The following PCDHGA6 variants were observed in gnomAD, a reference collection of about 807,000 sequenced individuals.
PCDHGA6 encodes protocadherin gamma subfamily A, 6, also known as protocadherin gamma-A6.
A neutral mutation model predicts 60.6 loss-of-function variants in PCDHGA6; 41 were observed. The observed-to-expected ratio is 0.68, with a 90% confidence interval of 0.53 to 0.88. The LOEUF (loss-of-function observed/expected upper bound fraction) is 0.88. Ranked by LOEUF, PCDHGA6 falls within the 40% of genes least tolerant of loss-of-function variation. The probability of loss-of-function intolerance (pLI) is 0.00; values close to 1 mark genes in which losing one functional copy is unlikely to be tolerated. For synonymous variants in PCDHGA6, 594 were observed against 524.4 expected (o/e 1.13, Z -1.81); for missense variants, 1,312 against 1,203.0 (o/e 1.09, Z -1.34).
chr5:141,394,493 C>T (rs749651115), intron 1 of PCDHGA6: 2 of 1,614,222 alleles, frequency 1.2e-6, no homozygotes, highest in Non-Finnish European at 1.7e-6. Flanking sequence ...ACAACGCGCC[C>T]GAGATCCTGT....
At chr5:141,461,051 A>G (rs1238514064) in intron 1 of PCDHGA6, among the ~76,000 whole-genome samples, 1 of 151,734 alleles carries the variant, frequency 6.6e-6, no homozygotes, top group East Asian at 1.9e-4. Flanking sequence ...ATGGGGACTT[A>G]GGTTGGTTTC....
In PCDHGA6 at chr5:141,395,765, C is replaced by T. The variant is rs143173330; in HGVS notation, c.2424+19258C>T. The T allele has an allele frequency of 7.5e-4, 114 of 152,628 alleles. No homozygotes were observed. The Middle Eastern group carries it at 0.03, about 41-fold the overall frequency. 9.5% of individuals were successfully genotyped at this position (152,628 alleles called of 1,614,324 possible). Reference sequence around the variant, plus strand: ...TCTTTTCTGAGCCCTGTTTCTGTACCAGTGCCCTTCAAAACTTTAATACTT... The same window carrying T: ...TCTTTTCTGAGCCCTGTTTCTGTACTAGTGCCCTTCAAAACTTTAATACTT... On this transcript the variant is annotated intron_variant, in intron 1 of 3. Coordinates refer to ENST00000517434, the MANE Select transcript of PCDHGA6 (RefSeq NM_018919.3).
At chr5:141,478,870 G>A (rs1463992722) in intron 1 of PCDHGA6, 6 of 1,273,242 alleles carry the variant, frequency 4.7e-6, no homozygotes, top group Non-Finnish European at 5.2e-6. Flanking sequence ...AGCGATCAGA[G>A]TTTAGCTTGG....
chr5:141,418,045 G>C (rs754041387), intron 1 of PCDHGA6: 2 of 1,614,002 alleles, frequency 1.2e-6, no homozygotes, highest in Admixed American at 1.7e-5. Context: ...TGGATGTGTC[G>C]GCTCGCGAGC....
intron 1 of PCDHGA6, chr5:141,389,415 G>A (rs915246049): frequency 1.9e-6 from 3 of 1,613,598 alleles, no homozygotes; most frequent in Non-Finnish European, 2.5e-6. Context: ...GGAGAGCGGG[G>A]TGGTGTTCGC....
At chr5:141,419,419 C>T (rs767018815) in intron 1 of PCDHGA6, 1 of 1,613,266 alleles carries the variant, frequency 6.2e-7, no homozygotes, top group Non-Finnish European at 8.5e-7. Flanking sequence ...AGCGCGCCTT[C>T]GACCACGAGC....
rs561499055 is a variant in PCDHGA6 at position 141,423,745 on chromosome 5, C to G, written c.2424+47238C>G. 10 of 605,688 alleles carry G rather than the reference C, an allele frequency of 1.7e-5. No individual in the cohort carries two copies. The East Asian group carries it at 3.1e-4, about 19-fold the overall frequency. The allele number at this position is 605,688 out of a possible 1,614,324, so 37.5% of individuals were successfully genotyped here. A position where few individuals can be genotyped will look rare whatever the true frequency, so the allele number is the denominator to read the frequency against. The stretch of plus-strand genomic sequence containing the variant: ...ATGTTTTTTGAGCCTGTTATGAAAA[C>G]TGTTTGGGGGGGGGGTGGGGCGGCA... On this transcript the variant is annotated intron_variant, in intron 1 of 3. Coordinates refer to ENST00000517434, the MANE Select transcript of PCDHGA6 (RefSeq NM_018919.3).
At chr5:141,427,088 T>C in intron 1 of PCDHGA6, 1 of 458,156 alleles carries the variant, frequency 2.2e-6, no homozygotes. Flanking sequence ...CTGACCAGGA[T>C]GAGGGTGTCA....
intron 1 of PCDHGA6, chr5:141,409,496 C>CT (rs1276498782): frequency 6.2e-7 from 1 of 1,614,044 alleles, no homozygotes; most frequent in South Asian, 1.1e-5. Context: ...CAAGCCGCCT[C>CT]TTTCTTCCAG....
At chr5:141,503,936 C>G (rs2099834285) in intron 2 of PCDHGA6, among the ~76,000 whole-genome samples, 1 of 152,186 alleles carries the variant, frequency 6.6e-6, no homozygotes, top group Non-Finnish European at 1.5e-5. Flanking sequence ...CATTTTCATG[C>G]CTTCAAGGCC....
At chr5:141,410,688 A>G in intron 1 of PCDHGA6, 1 of 1,519,164 alleles carries the variant, frequency 6.6e-7, no homozygotes, top group South Asian at 1.3e-5. Flanking sequence ...TAGGCATACT[A>G]CTTTATTTTC....
chr5:141,398,931 C>T, intron 1 of PCDHGA6: 2 of 1,613,956 alleles, frequency 1.2e-6, no homozygotes, highest in East Asian at 4.5e-5. Context: ...CAGCCACTGA[C>T]CAAGACGAGG....
intron 1 of PCDHGA6, among the ~76,000 whole-genome samples, chr5:141,465,360 C>T (rs1238387777): frequency 6.6e-6 from 1 of 151,940 alleles, no homozygotes; most frequent in Non-Finnish European, 1.5e-5. Context: ...AAAATGGGTG[C>T]CCTTTAAAGT....
rs1348297963 is a variant in PCDHGA6, at chr5:141,487,103, G to A, written c.2425-7704G>A. 6.2e-7 allele frequency: 1 copy of A among 1,614,124 alleles called. No individual in the cohort carries two copies. Among genetic ancestry groups the A allele is most frequent in the Non-Finnish European group, 8.5e-7 (1 of 1,180,000 alleles). On this transcript the variant is annotated intron_variant, in intron 1 of 3. Coordinates refer to ENST00000517434, the MANE Select transcript of PCDHGA6 (RefSeq NM_018919.3). The surrounding 1 kb of genome is among the most constrained non-coding windows in gnomAD (Gnocchi z 5.0). ...AGCTGACCTCCCACCACAGAAGCTG[G>A]TCATTGTGGTAAAGGATAGTGGTAG...
intron 1 of PCDHGA6, among the ~76,000 whole-genome samples, chr5:141,456,745 A>T (rs573105679): frequency 6.6e-6 from 1 of 151,920 alleles, no homozygotes; most frequent in South Asian, 2.1e-4. Context: ...CGGGAGCATC[A>T]TGAGGTCAGG....
intron 1 of PCDHGA6, chr5:141,385,016 C>T (rs536780147): frequency 1.2e-6 from 2 of 1,614,068 alleles, no homozygotes; most frequent in African/African-American, 1.3e-5. Flanking sequence ...GTCTTCCTAG[C>T]CTTCGTCCTC....
chr5:141,421,766 C>T, intron 1 of PCDHGA6: 2 of 1,613,868 alleles, frequency 1.2e-6, no homozygotes, highest in South Asian at 1.1e-5. Context: ...AATTACTTTT[C>T]CTTGCAACTG....
At position 141,477,379 on chromosome 5, in the gene PCDHGA6, A is replaced by T; in HGVS notation, c.2425-17428A>T. Reference sequence around the variant, plus strand: ...CAGACCTGGATCGGGAGACTGTGCCAGAATACAACCTCAGCATCACCGCCC... The same window carrying T: ...CAGACCTGGATCGGGAGACTGTGCCTGAATACAACCTCAGCATCACCGCCC... On this transcript the variant is annotated intron_variant, in intron 1 of 3. Transcript: ENST00000517434. The surrounding 1 kb of genome is among the most constrained non-coding windows in gnomAD (Gnocchi z 4.9). 1.2e-6 allele frequency: 2 copies of T among 1,614,184 alleles called. No individual in the cohort carries two copies. The highest frequency in any genetic ancestry group is 1.7e-6 in the Non-Finnish European group (2 of 1,180,034).
In PCDHGA6 at chr5:141,489,504, A is replaced by G. The variant is rs148241772; in HGVS notation, c.2425-5303A>G. 193 of 1,614,016 alleles carry G rather than the reference A, an allele frequency of 1.2e-4. No individual in the cohort carries two copies. Among genetic ancestry groups the G allele is most frequent in the Non-Finnish European group, 1.6e-4 (184 of 1,180,046 alleles). On this transcript the variant is annotated intron_variant, in intron 1 of 3. Transcript: ENST00000517434. The surrounding 1 kb of genome is among the most constrained non-coding windows in gnomAD (Gnocchi z 4.5). ...TGAGTGGTGCCCTGGCAGTGAATCA[A>G]AAGATTGACCGAGAAAGCCTATGTG...
Sources: allele counts gnomAD v4.1 joint callset (sites outside exome capture counted in the v4.1 genomes callset), GRCh38; gene constraint gnomAD v4.1.1; non-coding constraint Gnocchi (gnomAD v3.1); transcripts MANE v1.5; gene names NCBI Gene and HGNC (gene_info 2026-07-23, HGNC 2026-07-21).